ZNF407: variants seen among roughly 807,000 people sequenced by gnomAD.
ZNF407 encodes zinc finger protein 407.
A neutral mutation model predicts 131.2 loss-of-function variants in ZNF407; 17 were observed. The ratio of observed to expected loss-of-function variants is 0.13; its 90% CI spans 0.09 to 0.19. The LOEUF (loss-of-function observed/expected upper bound fraction) is 0.19, where lower values mean the gene tolerates loss of function less well. Among genes scored for constraint, ZNF407 ranks in the 10% least tolerant of loss-of-function variants. The pLI is 1.00. For missense variants in ZNF407, 2,681 were observed against 2,830.6 expected, an observed-to-expected ratio of 0.95 and a Z score of 1.20; for synonymous variants, 1,156 against 1,062.0, an observed-to-expected ratio of 1.09 and a Z score of -1.72.
At chr18:74,731,589 T>G (rs1486679623) in intron 3 of ZNF407, among the ~76,000 whole-genome samples, 3 of 152,218 alleles carry the variant, frequency 2.0e-5, no homozygotes, top group Non-Finnish European at 2.9e-5. Context: ...AACTTTAATT[T>G]TGACATCTTG....
rs1289598189 is a variant in ZNF407, at chr18:74,634,859, G to T, written c.3840G>T (p.Gly1280=). 2 of 1,613,726 alleles carry T rather than the reference G, an allele frequency of 1.2e-6. No individual in the cohort carries two copies. Among genetic ancestry groups the T allele is most frequent in the Non-Finnish European group, 1.7e-6 (2 of 1,179,734 alleles). Residue 1280 remains glycine, a synonymous_variant, in exon 2 of 9, where the codon GGG becomes GGT. Coordinates refer to ENST00000299687, the MANE Select transcript of ZNF407 (RefSeq NM_017757.3). ...GAGAACAGGGAAATCTGGAGAGCGGGGGTCAGAACAGAGTTGCACGTGGGC... is the reference window on the plus strand; with the variant it reads ...GAGAACAGGGAAATCTGGAGAGCGGTGGTCAGAACAGAGTTGCACGTGGGC... ...ITREQGNLES[G]GQNRVARGHG... is the part of the protein sequence containing the mutation.
chr18:74,848,418 G>C (rs939980425), intron 4 of ZNF407, among the ~76,000 whole-genome samples: 1 of 152,138 alleles, frequency 6.6e-6, no homozygotes, highest in African/African-American at 2.4e-5. Flanking sequence ...TAAGGCCAGT[G>C]CTTACACTGG....
At chr18:74,868,442 G>A (rs1440959180) in intron 4 of ZNF407, among the ~76,000 whole-genome samples, 1 of 152,196 alleles carries the variant, frequency 6.6e-6, no homozygotes, top group African/African-American at 2.4e-5. Flanking sequence ...AAGCAAGCAC[G>A]AAGAATGATA....
At chr18:74,832,965 G>T (rs1599184035) in intron 4 of ZNF407, among the ~76,000 whole-genome samples, 1 of 152,280 alleles carries the variant, frequency 6.6e-6, no homozygotes, top group Non-Finnish European at 1.5e-5. Flanking sequence ...AAAAGCAATA[G>T]GGCAGGAAGA....
intron 8 of ZNF407, 144 bp downstream of exon 8, chr18:74,920,836 A>G (rs990045615): frequency 3.1e-6 from 4 of 1,299,008 alleles, no homozygotes; most frequent in Non-Finnish European, 3.9e-6. Context: ...ATAGAAAAGT[A>G]CATTCCAGTT....
chr18:74,923,500 T>C (rs1971873471), intron 8 of ZNF407, among the ~76,000 whole-genome samples: 2 of 152,174 alleles, frequency 1.3e-5, no homozygotes, highest in South Asian at 4.1e-4. Flanking sequence ...GTGGTGTTTG[T>C]TCCCTGTCTG....
intron 8 of ZNF407, among the ~76,000 whole-genome samples, chr18:75,002,148 AAG>A: frequency 6.6e-6 from 1 of 152,198 alleles, no homozygotes; most frequent in Admixed American, 6.5e-5. Flanking sequence ...TTTCTCCTAA[AAG>A]GGCTTATGTG....
chr18:74,871,494 A>C (rs886097425), intron 4 of ZNF407, among the ~76,000 whole-genome samples: 1 of 150,888 alleles, frequency 6.6e-6, no homozygotes, highest in African/African-American at 2.4e-5. Flanking sequence ...ATTCAAAAGG[A>C]TAAGCAATAC....
intron 7 of ZNF407, among the ~76,000 whole-genome samples, chr18:74,908,377 A>G (rs1202362604): frequency 6.6e-6 from 1 of 152,160 alleles, no homozygotes; most frequent in Admixed American, 6.5e-5. Flanking sequence ...TGTATGGTGT[A>G]GGACAATAAG....
At position 74,890,040 on chromosome 18, in the gene ZNF407, T is replaced by TAATG; in HGVS notation, c.5249+4_5249+7dup. Reference sequence around the variant, plus strand: ...CAGATGCCCCTGGTGTGACTACAGGTAATGACTCATCACTGAGCAGTCAAA... The same window carrying TAATG: ...CAGATGCCCCTGGTGTGACTACAGGTAATGAATGACTCATCACTGAGCAGTCAAA... On this transcript the variant is annotated splice_region_variant and intron_variant, in intron 7 of 8. Transcript: ENST00000299687. 1.3e-6 allele frequency: 2 copies of TAATG among 1,573,384 alleles called. No individual in the cohort carries two copies. Among genetic ancestry groups the TAATG allele is most frequent in the African/African-American group, 1.4e-5 (1 of 73,638 alleles).
At chr18:74,845,009 C>T (rs1424598346) in intron 4 of ZNF407, among the ~76,000 whole-genome samples, 3 of 152,124 alleles carry the variant, frequency 2.0e-5, no homozygotes, top group Admixed American at 6.5e-5. Flanking sequence ...TTGATGATTC[C>T]GGAGTAAAGC....
intron 7 of ZNF407, among the ~76,000 whole-genome samples, chr18:74,896,304 T>C (rs1388481805): frequency 2.0e-5 from 3 of 152,250 alleles, no homozygotes; most frequent in Non-Finnish European, 4.4e-5. Context: ...GTTTCCATTA[T>C]GTCATTTACC....
At chr18:74,695,873 G>T (rs1967342091) in intron 3 of ZNF407, among the ~76,000 whole-genome samples, 1 of 151,078 alleles carries the variant, frequency 6.6e-6, no homozygotes, top group African/African-American at 2.4e-5. Flanking sequence ...GCATTTAAAA[G>T]AAGAGATCTA....
At chr18:75,000,135 A>G (rs1972828485) in intron 8 of ZNF407, among the ~76,000 whole-genome samples, 1 of 152,224 alleles carries the variant, frequency 6.6e-6, no homozygotes, top group African/African-American at 2.4e-5. Context: ...GGGCGGGTCC[A>G]CAGGAAACCG....
chr18:74,689,797 T>TG (rs1420639820), intron 3 of ZNF407, among the ~76,000 whole-genome samples: 1 of 152,180 alleles, frequency 6.6e-6, no homozygotes, highest in Non-Finnish European at 1.5e-5. Context: ...ATTCCTTACT[T>TG]TTTCAGAGAT....
At position 74,601,933 on chromosome 18, in the gene ZNF407, C is replaced by T. The variant is rs571209640; in HGVS notation, c.-54+3996C>T. ...CAGAAAGGAAGTACAAAACATGTCC[C>T]TATACAATATATGCATACATATCTG... On this transcript the variant is annotated intron_variant, in intron 1 of 8. Coordinates refer to ENST00000299687, the MANE Select transcript of ZNF407 (RefSeq NM_017757.3). 3.3e-5 allele frequency among the ~76,000 whole-genome samples: 5 copies of T among 152,284 alleles called. No homozygotes were observed. The South Asian group carries it at 8.3e-4, about 25-fold the overall frequency.
At chr18:74,614,556 G>T (rs1340389343) in intron 1 of ZNF407, among the ~76,000 whole-genome samples, 2 of 151,372 alleles carry the variant, frequency 1.3e-5, no homozygotes, top group Non-Finnish European at 2.9e-5. Flanking sequence ...GTTTTTTTTT[G>T]AAGAGTTATG....
chr18:74,738,568 T>C (rs561270956), intron 3 of ZNF407, among the ~76,000 whole-genome samples: 1 of 144,664 alleles, frequency 6.9e-6, no homozygotes, highest in Admixed American at 6.7e-5. Flanking sequence ...TGAAACCTTG[T>C]CTCTACTTGA....
At chr18:74,969,125 A>G (rs531686914) in intron 8 of ZNF407, among the ~76,000 whole-genome samples, 4 of 152,124 alleles carry the variant, frequency 2.6e-5, no homozygotes, top group African/African-American at 7.2e-5. Context: ...CATTTTTGTA[A>G]TTTCTGTTCA....
Sources: allele counts gnomAD v4.1 joint callset (sites outside exome capture counted in the v4.1 genomes callset), GRCh38; gene constraint gnomAD v4.1.1; transcripts MANE v1.5; gene names NCBI Gene and HGNC (gene_info 2026-07-23, HGNC 2026-07-21).